VPS13B: variants seen among roughly 807,000 people sequenced by gnomAD.
The protein encoded by VPS13B is intermembrane lipid transfer protein VPS13B.
A neutral mutation model predicts 426.4 loss-of-function variants in VPS13B; 285 were observed. That is an observed-to-expected ratio of 0.67 (90% CI 0.61 to 0.74). The LOEUF (loss-of-function observed/expected upper bound fraction) is 0.74, where lower values mean the gene tolerates loss of function less well. Among genes scored for constraint, VPS13B ranks in the 30% least tolerant of loss-of-function variants. VPS13B has a pLI of 0.00. For synonymous variants in VPS13B, 1,676 were observed against 1,676.4 expected (o/e 1.00, Z 0.01); for missense variants, 4,537 against 4,782.6 (o/e 0.95, Z 1.51).
chr8:99,610,833 G>C (rs1212070323), intron 33 of VPS13B, among the ~76,000 whole-genome samples: 1 of 152,132 alleles, frequency 6.6e-6, no homozygotes, highest in Non-Finnish European at 1.5e-5. Context: ...GCCTAATATT[G>C]AGTAGTGAAT....
At chr8:99,511,617 G>A in intron 29 of VPS13B, 105 bp downstream of exon 29, 1 of 1,165,686 alleles carries the variant, frequency 8.6e-7, no homozygotes, top group South Asian at 1.5e-5. Flanking sequence ...GCAGTTGGTT[G>A]TGCTTTGTGG....
At chr8:99,654,040 T>C (rs188931540) in intron 34 of VPS13B, among the ~76,000 whole-genome samples, 1 of 151,026 alleles carries the variant, frequency 6.6e-6, no homozygotes, top group African/African-American at 2.4e-5. Flanking sequence ...TGATTATTAT[T>C]ATTATTATTA....
At chr8:99,228,824 A>C (rs761678275) in intron 17 of VPS13B, among the ~76,000 whole-genome samples, 2 of 152,160 alleles carry the variant, frequency 1.3e-5, no homozygotes, top group Admixed American at 6.5e-5. Context: ...GTACTGCTGG[A>C]CGTTCAAAAG....
chr8:99,855,858 A>G (rs1316832071), intron 56 of VPS13B, among the ~76,000 whole-genome samples: 1 of 152,220 alleles, frequency 6.6e-6, no homozygotes, highest in East Asian at 1.9e-4. Flanking sequence ...CCCTATTGCT[A>G]AAAACTCATT....
intron 25 of VPS13B, among the ~76,000 whole-genome samples, chr8:99,497,970 T>C (rs993057921): frequency 1.4e-4 from 22 of 152,178 alleles, no homozygotes; most frequent in Admixed American, 9.8e-4. Flanking sequence ...TGAATATCTA[T>C]GAAAAAAATA....
intron 17 of VPS13B, among the ~76,000 whole-genome samples, chr8:99,259,955 G>A (rs1817958604): frequency 6.6e-6 from 1 of 151,986 alleles, no homozygotes; most frequent in African/African-American, 2.4e-5. Context: ...ATCAGAAACA[G>A]TATAAAAGAC....
At chr8:99,138,342 G>T (rs1810196996) in intron 12 of VPS13B, among the ~76,000 whole-genome samples, 1 of 152,168 alleles carries the variant, frequency 6.6e-6, no homozygotes, top group Admixed American at 6.5e-5. Context: ...GGCCAGGCTG[G>T]ACTTGAACTC....
intron 43 of VPS13B, among the ~76,000 whole-genome samples, chr8:99,795,033 T>G (rs1419967771): frequency 1.3e-5 from 2 of 152,190 alleles, no homozygotes; most frequent in African/African-American, 4.8e-5. Flanking sequence ...ATTTCTTGAT[T>G]TTAGCATCAT....
chr8:99,246,478 T>C lies in VPS13B; in HGVS notation c.2516-27720T>C, dbSNP rs1208519074. On this transcript the variant is annotated intron_variant, in intron 17 of 61. Coordinates refer to ENST00000357162, the MANE Select transcript of VPS13B (RefSeq NM_152564.5). ...GTTATTATCAATGGCTGTTTTGTGC[T>C]ACAACACCAGAGTTAAATAAATGCA... Among the ~76,000 whole-genome samples, 4 of 152,248 alleles carry C rather than the reference T, an allele frequency of 2.6e-5. No individual in the cohort carries two copies. In the East Asian group the frequency reaches 7.7e-4, roughly 29 times the overall value.
At position 99,875,619 on chromosome 8, in the gene VPS13B, A is replaced by AAAT; in HGVS notation, c.11948_11950dup (p.Lys3983_Phe3984insTer). 6.2e-7 allele frequency: 1 copy of AAAT among 1,614,178 alleles called. No individual in the cohort carries two copies. Among genetic ancestry groups the AAAT allele is most frequent in the Non-Finnish European group, 8.5e-7 (1 of 1,180,026 alleles). The stretch of plus-strand genomic sequence containing the variant: ...ACATTTTGCTCAGGTCTTCCTTAGT[A>AAAT]AATTTACCATGGTGAAAAATAAAGC... On this transcript the variant is annotated stop_gained and inframe_insertion, in exon 62 of 62. Transcript: ENST00000357162. LOFTEE classifies it high-confidence loss of function.
chr8:99,720,290 G>T, intron 37 of VPS13B, 55 bp from the exon 38 acceptor site: 6 of 1,378,856 alleles, frequency 4.4e-6, no homozygotes, highest in Non-Finnish European at 6.1e-6. Context: ...TACCTAATTA[G>T]TCTCAAGAAA....
In VPS13B at chr8:99,851,599, T is replaced by C. The variant is rs2130911636; in HGVS notation, c.10062-1852T>C. 2.0e-5 allele frequency among the ~76,000 whole-genome samples: 3 copies of C among 152,140 alleles called. 1 individual carries two copies. The East Asian group carries it at 5.8e-4, about 30-fold the overall frequency. Reference sequence around the variant, plus strand: ...GGAAAGCAGTAGGGGGTTAGTAATGTGACTATCTGAAGGAAGAACTTCCCA... The same window carrying C: ...GGAAAGCAGTAGGGGGTTAGTAATGCGACTATCTGAAGGAAGAACTTCCCA... On this transcript the variant is annotated intron_variant, in intron 55 of 61. Coordinates refer to ENST00000357162, the MANE Select transcript of VPS13B (RefSeq NM_152564.5).
intron 30 of VPS13B, among the ~76,000 whole-genome samples, chr8:99,539,887 T>TTAA (rs1428814642): frequency 6.8e-6 from 1 of 148,116 alleles, no homozygotes; most frequent in Non-Finnish European, 1.5e-5. Flanking sequence ...AAGGACTCAT[T>TTAA]TATTTCTATA....
intron 17 of VPS13B, among the ~76,000 whole-genome samples, chr8:99,196,765 G>A: frequency 6.6e-6 from 1 of 152,048 alleles, no homozygotes; most frequent in South Asian, 2.1e-4. Context: ...AGATCATATT[G>A]TCAACAAGTA....
intron 31 of VPS13B, among the ~76,000 whole-genome samples, chr8:99,560,647 G>C (rs1475828233): frequency 2.0e-5 from 3 of 152,196 alleles, no homozygotes; most frequent in Middle Eastern, 3.2e-3. Context: ...ATTTCAGAGA[G>C]GAATGCAATA....
intron 33 of VPS13B, among the ~76,000 whole-genome samples, chr8:99,588,228 G>C (rs1303839145): frequency 6.6e-6 from 1 of 151,690 alleles, no homozygotes; most frequent in Non-Finnish European, 1.5e-5. Context: ...TAGCCTTGTA[G>C]TATAGTTTGA....
At chr8:99,418,456 TTTC>T (rs1816163256) in intron 21 of VPS13B, among the ~76,000 whole-genome samples, 1 of 13,082 alleles carries the variant, frequency 7.6e-5, no homozygotes, top group African/African-American at 2.9e-4. Context: ...TTATCATAGT[TTTC>T]TTTCTTTCTT....
At chr8:99,364,292 T>G (rs1331057003) in intron 19 of VPS13B, among the ~76,000 whole-genome samples, 2 of 152,238 alleles carry the variant, frequency 1.3e-5, no homozygotes, top group Non-Finnish European at 2.9e-5. Flanking sequence ...GAACCATACT[T>G]GCATACCCAG....
At chr8:99,505,250 G>A (rs1193445370) in intron 27 of VPS13B, among the ~76,000 whole-genome samples, 1 of 152,202 alleles carries the variant, frequency 6.6e-6, no homozygotes, top group Admixed American at 6.6e-5. Flanking sequence ...CTCTGGAGCA[G>A]CACTTTCAAT....
Sources: allele counts gnomAD v4.1 joint callset (sites outside exome capture counted in the v4.1 genomes callset), GRCh38; gene constraint gnomAD v4.1.1; transcripts MANE v1.5; gene names NCBI Gene and HGNC (gene_info 2026-07-23, HGNC 2026-07-21).